Variants in PTBP2 observed in about 807,000 individuals in gnomAD.
PTBP2 encodes the protein polypyrimidine tract binding protein 2, also known as polypyrimidine tract-binding protein 2.
PTBP2 carries 13 observed loss-of-function variants against 61.4 expected under a neutral mutation model. The ratio of observed to expected loss-of-function variants is 0.21; its 90% confidence interval spans 0.14 to 0.34. The LOEUF (loss-of-function observed/expected upper bound fraction) is 0.34. Among genes scored for constraint, PTBP2 ranks in the 10% least tolerant of loss-of-function variants. PTBP2 has a pLI of 1.00. For synonymous variants in PTBP2, 215 were observed against 218.5 expected (o/e 0.98, Z 0.14); for missense variants, 405 against 642.6 (o/e 0.63, Z 4.00).
intron 2 of PTBP2, among the ~76,000 whole-genome samples, chr1:96,746,871 G>GTCCCTCCCTCCC (rs1199317358): frequency 1.9e-5 from 1 of 53,232 alleles, no homozygotes; most frequent in Non-Finnish European, 3.2e-5. Context: ...CCGTCCGTCT[G>GTCCCTCCCTCCC]TCCCTCCCTC....
At chr1:96,787,523 T>A (rs528629950) in intron 8 of PTBP2, among the ~76,000 whole-genome samples, 4 of 151,780 alleles carry the variant, frequency 2.6e-5, no homozygotes, top group Non-Finnish European at 5.9e-5. Context: ...TTCTTTTTTT[T>A]ATCTGTTTTA....
intron 3 of PTBP2, among the ~76,000 whole-genome samples, chr1:96,756,505 A>G (rs1240720800): frequency 1.3e-5 from 2 of 152,180 alleles, no homozygotes; most frequent in African/African-American, 2.4e-5. Flanking sequence ...TGTTTATAGC[A>G]CCTTTCTTTA....
At chr1:96,752,371 T>C (rs185238977) in intron 3 of PTBP2, among the ~76,000 whole-genome samples, 15 of 152,156 alleles carry the variant, frequency 9.9e-5, no homozygotes, top group African/African-American at 3.6e-4. Flanking sequence ...CATGAAAGAC[T>C]AGAAGACATT....
chr1:96,748,928 A>T (rs1654179323), intron 2 of PTBP2, among the ~76,000 whole-genome samples: 1 of 152,214 alleles, frequency 6.6e-6, no homozygotes, highest in African/African-American at 2.4e-5. Flanking sequence ...AAAGACAGGC[A>T]TAATTGCTTT....
intron 5 of PTBP2, 71 bp from the exon 6 acceptor site, chr1:96,777,514 G>A: frequency 7.5e-7 from 1 of 1,331,384 alleles, no homozygotes. Flanking sequence ...AAGTGAACTA[G>A]TAGTGTAACA....
chr1:96,740,324 C>T (rs74104482), intron 2 of PTBP2, among the ~76,000 whole-genome samples: 77 of 152,282 alleles, frequency 5.1e-4, no homozygotes, highest in African/African-American at 1.7e-3. Flanking sequence ...GTGAGGCCAC[C>T]ATTTTACTTT....
At chr1:96,766,517 C>T (rs1040216538) in intron 3 of PTBP2, among the ~76,000 whole-genome samples, 1 of 152,126 alleles carries the variant, frequency 6.6e-6, no homozygotes, top group Non-Finnish European at 1.5e-5. Flanking sequence ...GTAACACAGG[C>T]AGACCTAATG....
intron 2 of PTBP2, among the ~76,000 whole-genome samples, chr1:96,731,537 A>G (rs556803768): frequency 6.6e-6 from 1 of 152,252 alleles, no homozygotes; most frequent in Admixed American, 6.5e-5. Flanking sequence ...TTTGATGTGT[A>G]AACATTTTTA....
chr1:96,815,980 A>G (rs150202203), downstream of PTBP2: 6 of 152,338 alleles, frequency 3.9e-5, no homozygotes, highest in African/African-American at 1.2e-4. Flanking sequence ...AGTGGTGGCT[A>G]TAATATTTGA....
intron 3 of PTBP2, among the ~76,000 whole-genome samples, chr1:96,759,212 T>C (rs924402228): frequency 8.5e-5 from 13 of 152,182 alleles, no homozygotes; most frequent in Non-Finnish European, 1.8e-4. Context: ...TCTCCCTAAA[T>C]TGGGATGGCA....
intron 2 of PTBP2, among the ~76,000 whole-genome samples, chr1:96,737,684 A>G (rs983600739): frequency 1.3e-5 from 2 of 152,174 alleles, no homozygotes; most frequent in Non-Finnish European, 2.9e-5. Flanking sequence ...TTTGGAATGT[A>G]GGTTGAGTTA....
intron 8 of PTBP2, among the ~76,000 whole-genome samples, chr1:96,790,224 A>C (rs1044721486): frequency 1.3e-5 from 2 of 150,606 alleles, no homozygotes; most frequent in Non-Finnish European, 3.0e-5. Context: ...TGTGTTTCTT[A>C]TATAAACTTA....
intron 2 of PTBP2, among the ~76,000 whole-genome samples, chr1:96,740,876 G>A (rs1652918234): frequency 6.6e-6 from 1 of 151,660 alleles, no homozygotes; most frequent in African/African-American, 2.4e-5. Context: ...AGATTGATTT[G>A]TCAAATATTT....
intron 3 of PTBP2, among the ~76,000 whole-genome samples, chr1:96,756,634 A>C (rs1424603190): frequency 1.3e-5 from 2 of 152,174 alleles, no homozygotes; most frequent in Non-Finnish European, 2.9e-5. Flanking sequence ...TGAGCTATCA[A>C]GCCATGGAGA....
chr1:96,751,535 C>T (rs776139170), intron 3 of PTBP2, 35 bp downstream of exon 3: 5 of 1,492,334 alleles, frequency 3.4e-6, no homozygotes, highest in African/African-American at 1.4e-5. Flanking sequence ...TGTCATTTGC[C>T]ATTTTAGGGG....
chr1:96,746,865 C>CCGT (rs1653874314), intron 2 of PTBP2, among the ~76,000 whole-genome samples: 1 of 100,182 alleles, frequency 1.0e-5, no homozygotes, highest in Non-Finnish European at 1.9e-5. Flanking sequence ...CTCCCTCCGT[C>CCGT]CGTCTGTCCC....
At chr1:96,747,577 C>T (rs994395975) in intron 2 of PTBP2, among the ~76,000 whole-genome samples, 1 of 152,044 alleles carries the variant, frequency 6.6e-6, no homozygotes, top group African/African-American at 2.4e-5. Flanking sequence ...TCTGTAATGA[C>T]TTTTTCATAT....
At chr1:96,818,957 A>T (rs568616919), downstream of PTBP2, 1 of 152,170 alleles carries the variant, frequency 6.6e-6, no homozygotes, top group Admixed American at 6.5e-5. Flanking sequence ...AAAGAAATAC[A>T]GGCCTGCTAT....
intron 2 of PTBP2, among the ~76,000 whole-genome samples, chr1:96,738,927 T>C (rs1464580151): frequency 6.6e-6 from 1 of 152,230 alleles, no homozygotes; most frequent in African/African-American, 2.4e-5. Flanking sequence ...TACAGCATTA[T>C]TTAAATAGTA....
Sources: allele counts gnomAD v4.1 joint callset (sites outside exome capture counted in the v4.1 genomes callset), GRCh38; gene constraint gnomAD v4.1.1; transcripts MANE v1.5; gene names NCBI Gene and HGNC (gene_info 2026-07-23, HGNC 2026-07-21).